The following CLASP1 variants were observed in gnomAD, a reference collection of about 807,000 sequenced individuals.
CLASP1 encodes the protein CLIP-associating protein 1.
Under a neutral mutation model 192.3 loss-of-function variants are expected in CLASP1, and 38 were observed. That is an observed-to-expected ratio of 0.20 (90% CI 0.15 to 0.26). The LOEUF (loss-of-function observed/expected upper bound fraction) is 0.26, where lower values mean the gene tolerates loss of function less well. Among genes scored for constraint, CLASP1 ranks in the 10% least tolerant of loss-of-function variants. CLASP1 has a pLI of 1.00. For synonymous variants in CLASP1, 691 were observed against 712.8 expected (o/e 0.97, Z 0.49); for missense variants, 1,433 against 1,932.5 (o/e 0.74, Z 4.85).
rs79332166 is a variant in CLASP1 at position 121,348,829 on chromosome 2, G to A, written c.4207-111C>T. ...AAGGACAATGACCTCAATGTCAGAC[G>A]GCAGCCATTGCTTCGCCTGGCTCAA... On this transcript the variant is annotated intron_variant, in intron 37 of 39. Coordinates refer to ENST00000263710, the Ensembl canonical transcript of CLASP1. 5,068 of 986,402 alleles carry A rather than the reference G, an allele frequency of 5.1e-3. 176 individuals are homozygous for A. The African/African-American group carries it at 0.072, about 14-fold the overall frequency. 61.1% of individuals were successfully genotyped at this position (986,402 alleles called of 1,614,324 possible).
intron 1 of CLASP1, among the ~76,000 whole-genome samples, chr2:121,608,790 A>G (rs143919209): frequency 1.3e-5 from 2 of 152,300 alleles, no homozygotes; most frequent in East Asian, 3.9e-4. Context: ...AACAACTATC[A>G]TTCATTTTCA....
At chr2:121,391,303 T>C (rs1445530990) in intron 30 of CLASP1, among the ~76,000 whole-genome samples, 1 of 152,220 alleles carries the variant, frequency 6.6e-6, no homozygotes, top group Admixed American at 6.5e-5. Flanking sequence ...AGGTTGAAGC[T>C]GACCTAGTGG....
chr2:121,381,436 G>GGATCA (rs1174728272), intron 33 of CLASP1, among the ~76,000 whole-genome samples: 4 of 151,958 alleles, frequency 2.6e-5, no homozygotes, highest in African/African-American at 9.7e-5. Context: ...TCTGATCTTT[G>GGATCA]GACCTTATAA....
At chr2:121,606,283 A>T (rs1037554092) in intron 1 of CLASP1, 103 bp from the exon 2 acceptor site, 2 of 325,476 alleles carry the variant, frequency 6.1e-6, no homozygotes, top group Non-Finnish European at 1.1e-5. Flanking sequence ...CTGCAGAATC[A>T]TTTATAATCA....
At chr2:121,425,341 T>C (rs2149602476) in intron 21 of CLASP1, 35 bp from the exon 22 acceptor site, 3 of 1,592,812 alleles carry the variant, frequency 1.9e-6, no homozygotes, top group Middle Eastern at 1.7e-4. Flanking sequence ...GAATAATAGA[T>C]GTAAATGTAG....
exon 40 of CLASP1, chr2:121,340,855 C>T: frequency 6.2e-7 from 1 of 1,607,768 alleles, no homozygotes; most frequent in Non-Finnish European, 8.5e-7. Context: ...GAGACAGGTA[C>T]TGCCATTAGC....
chr2:121,414,228 C>A (rs1199603650), intron 23 of CLASP1, among the ~76,000 whole-genome samples, 25 bp from the exon 24 acceptor site: 1 of 152,112 alleles, frequency 6.6e-6, no homozygotes, highest in Non-Finnish European at 1.5e-5. Flanking sequence ...AATGGCAACA[C>A]CCACAGGATT....
intron 28 of CLASP1, among the ~76,000 whole-genome samples, chr2:121,399,732 A>T (rs185731718): frequency 1.9e-4 from 29 of 152,348 alleles, no homozygotes; most frequent in Middle Eastern, 6.8e-3. Flanking sequence ...AACTAACAGG[A>T]GGTCACAATT....
intron 19 of CLASP1, chr2:121,445,464 T>C (rs1055401885): frequency 3.1e-6 from 4 of 1,289,478 alleles, no homozygotes; most frequent in African/African-American, 3.0e-5. Flanking sequence ...TCCAGGCCTA[T>C]GTACTCCATG....
intron 2 of CLASP1, chr2:121,530,797 C>G: frequency 1.7e-6 from 1 of 606,050 alleles, no homozygotes; most frequent in Non-Finnish European, 3.0e-6. Context: ...ACCAGACCGA[C>G]TAGGGCGAGG....
At chr2:121,443,017 C>G (rs2083621698) in intron 19 of CLASP1, among the ~76,000 whole-genome samples, 1 of 152,118 alleles carries the variant, frequency 6.6e-6, no homozygotes. Flanking sequence ...CTGCTGAAAC[C>G]AACAGAACAA....
intron 30 of CLASP1, among the ~76,000 whole-genome samples, chr2:121,389,490 A>C (rs1021279562): frequency 1.3e-5 from 2 of 152,048 alleles, no homozygotes; most frequent in Non-Finnish European, 2.9e-5. Context: ...GTTAGAAAAA[A>C]AAAAAACAAT....
rs192695231 is a variant in CLASP1, at chr2:121,477,592, T to C, written c.713-7632A>G. Among the ~76,000 whole-genome samples the C allele has an allele frequency of 2.0e-3, 308 of 152,346 alleles. 1 individual carries two copies. The highest frequency in any genetic ancestry group is 7.1e-3 in the African/African-American group (295 of 41,566). ...AATGCATTCATAAACATGAATTCTA[T>C]ACACACATGCATAAAAACTGCTTTT... On this transcript the variant is annotated intron_variant, in intron 8 of 39. Transcript: ENST00000263710.
chr2:121,570,413 A>C (rs1003441678), intron 2 of CLASP1, among the ~76,000 whole-genome samples: 1 of 152,236 alleles, frequency 6.6e-6, no homozygotes, highest in African/African-American at 2.4e-5. Flanking sequence ...AGTGAAAAAT[A>C]TCTCTGTGGC....
At chr2:121,556,099 T>G (rs1024028206) in intron 2 of CLASP1, among the ~76,000 whole-genome samples, 1 of 141,034 alleles carries the variant, frequency 7.1e-6, no homozygotes, top group Non-Finnish European at 1.5e-5. Flanking sequence ...ATTCTCGGCC[T>G]CAGCCTTCCA....
At chr2:121,399,544 A>G (rs139637503) in intron 28 of CLASP1, among the ~76,000 whole-genome samples, 16 of 152,280 alleles carry the variant, frequency 1.1e-4, no homozygotes, top group Admixed American at 1.0e-3. Context: ...AAGTCTATAA[A>G]CTGAGAAGCA....
chr2:121,571,001 T>C lies in CLASP1; in HGVS notation c.195+34700A>G, dbSNP rs72830819. On this transcript the variant is annotated intron_variant, in intron 2 of 39. Coordinates refer to ENST00000263710, the Ensembl canonical transcript of CLASP1. The stretch of plus-strand genomic sequence containing the variant: ...AGAACCATGGCTACAAATTCATCCC[T>C]CTCATAAAGCTATACTGAATTGGGA... 7.3e-3 allele frequency among the ~76,000 whole-genome samples: 1,114 copies of C among 151,824 alleles called. 5 individuals are homozygous for C. The highest frequency in any genetic ancestry group is 0.024 in the Middle Eastern group (7 of 294).
chr2:121,583,294 A>C (rs2061405682), intron 2 of CLASP1, among the ~76,000 whole-genome samples: 1 of 152,228 alleles, frequency 6.6e-6, no homozygotes, highest in African/African-American at 2.4e-5. Flanking sequence ...ATGTGATTAC[A>C]AAGCAAAGTT....
chr2:121,629,082 C>T (rs12613842), intron 1 of CLASP1, among the ~76,000 whole-genome samples: 18,043 of 151,986 alleles, frequency 0.12, 1,358 homozygotes, highest in African/African-American at 0.21. Context: ...TATGCAGTTA[C>T]CAACAATGAT....
Sources: gnomAD v4.1 joint callset for allele counts (sites outside exome capture counted in the v4.1 genomes callset) on GRCh38, gnomAD v4.1.1 for gene constraint, MANE v1.5 for transcripts, NCBI Gene and HGNC (gene_info 2026-07-23, HGNC 2026-07-21) for gene names.